LRP2: variants seen among roughly 807,000 people sequenced by gnomAD.
LRP2 encodes low-density lipoprotein receptor-related protein 2.
In LRP2, 172 loss-of-function variants were observed where a neutral mutation model predicts 531.0. The observed-to-expected ratio is 0.32, with a 90% CI of 0.29 to 0.37. LRP2 has a LOEUF of 0.37. Ranked by LOEUF, LRP2 falls within the 10% of genes least tolerant of loss-of-function variation. The pLI, the probability that LRP2 is intolerant of heterozygous loss-of-function variation, is 1.00. For missense variants in LRP2, 5,167 were observed against 5,868.3 expected (o/e 0.88, Z 3.90); for synonymous variants, 1,992 against 2,027.6 (o/e 0.98, Z 0.47).
intron 13 of LRP2, among the ~76,000 whole-genome samples, chr2:169,276,166 T>G (rs546367527): frequency 9.7e-4 from 147 of 152,278 alleles, no homozygotes; most frequent in Non-Finnish European, 1.6e-3. Context: ...GTGCACACTT[T>G]GAAACATTCT....
At chr2:169,306,203 GA>G (rs1291718969) in intron 4 of LRP2, among the ~76,000 whole-genome samples, 1 of 151,802 alleles carries the variant, frequency 6.6e-6, no homozygotes, top group African/African-American at 2.4e-5. Context: ...GGAACTTCTG[GA>G]AAAATTCATA....
chr2:169,208,271 C>T lies in LRP2; in HGVS notation c.6470-1021G>A, dbSNP rs370010291. ...AAAACAGGCAACAGGCTGCATTTGA[C>T]GCACGGGCCATAGTTTGCTGACTAC... On this transcript the variant is annotated intron_variant, in intron 38 of 78. Coordinates refer to ENST00000649046, the MANE Select transcript of LRP2 (RefSeq NM_004525.3). 4.6e-5 allele frequency among the ~76,000 whole-genome samples: 7 copies of T among 152,104 alleles called. No individual in the cohort carries two copies. In the East Asian group the frequency reaches 5.8e-4, roughly 13 times the overall value.
rs542746802 is a variant in LRP2 at position 169,248,330 on chromosome 2, A to C, written c.2771-815T>G. Among the ~76,000 whole-genome samples the C allele has an allele frequency of 2.5e-4, 38 of 152,348 alleles. No homozygotes were observed. In the South Asian group the frequency reaches 7.7e-3, roughly 31 times the overall value. ...AACTAGAAAACCCTAATTAATCAGA[A>C]AATGTTTAAGATGTCATAAATTTTA... is the stretch of plus-strand genomic sequence containing the variant. On this transcript the variant is annotated intron_variant, in intron 19 of 78. Coordinates refer to ENST00000649046, the MANE Select transcript of LRP2 (RefSeq NM_004525.3).
At chr2:169,155,654 T>C (rs2105360396) in intron 65 of LRP2, among the ~76,000 whole-genome samples, 1 of 148,694 alleles carries the variant, frequency 6.7e-6, no homozygotes, top group South Asian at 2.2e-4. Flanking sequence ...ATTTGGAGTA[T>C]AATACATCTG....
chr2:169,323,417 G>C (rs1020731167), intron 1 of LRP2, among the ~76,000 whole-genome samples: 1 of 152,106 alleles, frequency 6.6e-6, no homozygotes, highest in Non-Finnish European at 1.5e-5. Context: ...CTCTCATAAA[G>C]GGAATATGTG....
At chr2:169,226,710 A>G (rs1399798699) in intron 31 of LRP2, 122 bp from the exon 32 acceptor site, 7 of 762,458 alleles carry the variant, frequency 9.2e-6, no homozygotes, top group Non-Finnish European at 1.6e-5. Context: ...CATTGCAGCA[A>G]TAAATATAAT....
intron 68 of LRP2, among the ~76,000 whole-genome samples, chr2:169,147,166 C>A (rs770522516): frequency 6.6e-6 from 1 of 152,160 alleles, no homozygotes; most frequent in African/African-American, 2.4e-5. Context: ...GAAAACTGCA[C>A]CTCCTTAATA....
rs1406322751 is a variant in LRP2 at position 169,275,143 on chromosome 2, G to A, written c.1868C>T (p.Ala623Val). ...TGTGAACTTGTTTGCCTTCAGCACG[G>A]CCATCTTTGTCCAATCTGTAAAGAA... is the stretch of plus-strand genomic sequence containing the variant. ...QVFFTDWTKM[A>V]VLKANKFTET... The change falls in exon 14 of 79, where the codon GCC (alanine) becomes GTC (valine). Residue 623 changes from alanine to valine, a missense_variant. This residue lies in a region of LRP2 where 2,811 missense variants were observed against 3,058.0 expected (regional missense o/e 0.92). Transcript: ENST00000649046. 6.2e-7 allele frequency: 1 copy of A among 1,613,706 alleles called. No individual in the cohort carries two copies. The highest frequency in any genetic ancestry group is 8.5e-7 in the Non-Finnish European group (1 of 1,179,820).
At position 169,158,854 on chromosome 2, in the gene LRP2, AAAC is replaced by A. The variant is rs199797262; in HGVS notation, c.11888-1355_11888-1353del. 2.3e-3 allele frequency among the ~76,000 whole-genome samples: 266 copies of A among 116,174 alleles called. 1 individual carries two copies. The highest frequency in any genetic ancestry group is 8.9e-3 in the Middle Eastern group (2 of 224). The allele number at this position is 116,174 out of a possible 152,430, so 76.2% of individuals were successfully genotyped here. On this transcript the variant is annotated intron_variant, in intron 63 of 78. Coordinates refer to ENST00000649046, the MANE Select transcript of LRP2 (RefSeq NM_004525.3). Reference sequence around the variant, plus strand: ...TTATTGAACTTTCACAGTAAAAAAAAAACAAAAAAAACACAGTTTATTTTTGTA... The same window carrying A: ...TTATTGAACTTTCACAGTAAAAAAAAAAAAAAAACACAGTTTATTTTTGTA...
intron 16 of LRP2, among the ~76,000 whole-genome samples, chr2:169,264,099 G>T (rs1690690739): frequency 6.6e-6 from 1 of 152,084 alleles, no homozygotes; most frequent in South Asian, 2.1e-4. Context: ...ACTGTTGTGG[G>T]GTGGCGCGGG....
intron 48 of LRP2, among the ~76,000 whole-genome samples, chr2:169,191,062 C>A (rs970961371): frequency 7.9e-5 from 12 of 152,194 alleles, no homozygotes; most frequent in Admixed American, 7.9e-4. Flanking sequence ...TTGATCCACA[C>A]AGTGTTTTAA....
At chr2:169,276,795 C>T (rs1159229770) in intron 13 of LRP2, among the ~76,000 whole-genome samples, 1 of 152,046 alleles carries the variant, frequency 6.6e-6, no homozygotes, top group Non-Finnish European at 1.5e-5. Context: ...ATTTGAAGAA[C>T]ATGTTTTACC....
intron 1 of LRP2, among the ~76,000 whole-genome samples, chr2:169,321,552 T>C (rs1684909740): frequency 6.6e-6 from 1 of 152,144 alleles, no homozygotes; most frequent in Non-Finnish European, 1.5e-5. Flanking sequence ...TTTGCTTGAC[T>C]ATACTTTCTT....
At chr2:169,298,875 C>G (rs1369166056) in intron 4 of LRP2, among the ~76,000 whole-genome samples, 2 of 151,836 alleles carry the variant, frequency 1.3e-5, no homozygotes, top group African/African-American at 4.8e-5. Flanking sequence ...CCCAAACCCC[C>G]ATTCCTGGTG....
chr2:169,338,226 G>A (rs1685458635), intron 1 of LRP2, among the ~76,000 whole-genome samples: 1 of 147,908 alleles, frequency 6.8e-6, no homozygotes, highest in Non-Finnish European at 1.5e-5. Flanking sequence ...AAGAAGGAAG[G>A]AAGGAGGGAA....
chr2:169,272,197 GT>G (rs1238533037), intron 15 of LRP2, among the ~76,000 whole-genome samples: 1 of 152,098 alleles, frequency 6.6e-6, no homozygotes, highest in African/African-American at 2.4e-5. Flanking sequence ...AAATGTAGAA[GT>G]GAAAATAAGA....
intron 66 of LRP2, among the ~76,000 whole-genome samples, chr2:169,153,398 G>A (rs1488057419): frequency 6.6e-6 from 1 of 152,184 alleles, no homozygotes; most frequent in Non-Finnish European, 1.5e-5. Context: ...ACAGAAGGAT[G>A]GTGGACAGCA....
chr2:169,286,676 C>CT (rs1435995165), intron 9 of LRP2, among the ~76,000 whole-genome samples: 5 of 152,118 alleles, frequency 3.3e-5, no homozygotes, highest in African/African-American at 1.2e-4. Flanking sequence ...GTTATCTGGG[C>CT]TCTAGGGTGG....
intron 38 of LRP2, among the ~76,000 whole-genome samples, chr2:169,208,457 T>A (rs1386409774): frequency 1.3e-5 from 2 of 152,176 alleles, no homozygotes; most frequent in African/African-American, 4.8e-5. Context: ...TTCCTTTTTT[T>A]AAATTTTTTT....
Sources: allele counts gnomAD v4.1 joint callset (sites outside exome capture counted in the v4.1 genomes callset), GRCh38; gene constraint gnomAD v4.1.1; regional missense constraint gnomAD v4.1.1; transcripts MANE v1.5; gene names NCBI Gene and HGNC (gene_info 2026-07-23, HGNC 2026-07-21).